Variants in COL28A1 observed in about 807,000 individuals in gnomAD.
The protein encoded by COL28A1 is collagen alpha-1(XXVIII) chain.
In COL28A1, 161 loss-of-function variants were observed where a neutral mutation model predicts 150.2. The ratio of observed to expected loss-of-function variants is 1.07; its 90% CI spans 0.94 to 1.22. The LOEUF (loss-of-function observed/expected upper bound fraction) is 1.22, where lower values mean the gene tolerates loss of function less well. Among genes scored for constraint, COL28A1 ranks in the 50% most tolerant of loss-of-function variants. The probability of loss-of-function intolerance (pLI) is 0.00; values close to 1 mark genes in which losing one functional copy is unlikely to be tolerated. For missense variants in COL28A1, 1,617 were observed against 1,388.3 expected (o/e 1.16, Z -2.62); for synonymous variants, 552 against 469.7 (o/e 1.18, Z -2.26).
At position 7,422,439 on chromosome 7, in the gene COL28A1, G is replaced by C. The variant is rs1465190862; in HGVS notation, c.1999-2486C>G. On this transcript the variant is annotated intron_variant, in intron 25 of 34. Transcript: ENST00000399429. ...TGGTCAGGAGTTTGAGATCAGCCTG[G>C]CCAATGTAATGAAACAGTGTCTCTA... Among the ~76,000 whole-genome samples, 5 of 152,062 alleles carry C rather than the reference G, an allele frequency of 3.3e-5. No homozygotes were observed. In the South Asian group the frequency reaches 1.0e-3, roughly 32 times the overall value.
At chr7:7,352,756 ATTG>A (rs1780259875), downstream of COL28A1, among the ~76,000 whole-genome samples, 5 of 152,140 alleles carry the variant, frequency 3.3e-5, no homozygotes, top group Admixed American at 3.3e-4. Context: ...AACATAACAC[ATTG>A]TTGTTGTTTA....
intron 31 of COL28A1, among the ~76,000 whole-genome samples, chr7:7,374,044 T>A (rs868424276): frequency 0.11 from 14,775 of 131,578 alleles, 1,200 homozygotes; most frequent in African/African-American, 0.26. Flanking sequence ...AAAAAATATA[T>A]ATATATATAT....
intron 5 of COL28A1, 72 bp from the exon 6 acceptor site, chr7:7,520,187 G>C: frequency 2.6e-6 from 2 of 755,466 alleles, no homozygotes; most frequent in Non-Finnish European, 4.5e-6. Flanking sequence ...AATAATTTCT[G>C]ATCAGTTTTG....
At chr7:7,475,662 C>T (rs1788808047) in intron 14 of COL28A1, among the ~76,000 whole-genome samples, 1 of 152,128 alleles carries the variant, frequency 6.6e-6, no homozygotes, top group South Asian at 2.1e-4. Flanking sequence ...TTATTTCTTT[C>T]TCTTTAAAAA....
chr7:7,381,624 A>G lies in COL28A1; in HGVS notation c.2137-12T>C, dbSNP rs1781879435. ...GGTCCTTGTTCCCCCTACATAGGATATGAGAAAGAGATGTTCTATTAATTT... is the reference window on the plus strand; with the variant it reads ...GGTCCTTGTTCCCCCTACATAGGATGTGAGAAAGAGATGTTCTATTAATTT... On this transcript the variant is annotated splice_polypyrimidine_tract_variant and intron_variant, in intron 27 of 34. Coordinates refer to ENST00000399429, the MANE Select transcript of COL28A1 (RefSeq NM_001037763.3). 6.2e-7 allele frequency: 1 copy of G among 1,605,302 alleles called. No individual in the cohort carries two copies. The highest frequency in any genetic ancestry group is 8.5e-7 in the Non-Finnish European group (1 of 1,171,986).
At chr7:7,506,242 T>C (rs187575131) in intron 10 of COL28A1, among the ~76,000 whole-genome samples, 175 bp from the exon 11 acceptor site, 42 of 152,360 alleles carry the variant, frequency 2.8e-4, no homozygotes, top group Admixed American at 1.8e-3. Flanking sequence ...TTGTGTCAAA[T>C]ACGTAGCTTC....
At chr7:7,478,871 T>C (rs55657147) in intron 13 of COL28A1, among the ~76,000 whole-genome samples, 20,346 of 152,248 alleles carry the variant, frequency 0.13, 1,409 homozygotes, top group Middle Eastern at 0.22. Context: ...CCACCCGGAA[T>C]TCTAGCTGGC....
intron 27 of COL28A1, among the ~76,000 whole-genome samples, chr7:7,384,573 G>T (rs1486050724): frequency 1.3e-5 from 2 of 152,116 alleles, no homozygotes; most frequent in Admixed American, 1.3e-4. Flanking sequence ...CTCCTACTGT[G>T]CCTAATTTTA....
chr7:7,457,240 T>C (rs1787241164), intron 15 of COL28A1, among the ~76,000 whole-genome samples: 1 of 152,078 alleles, frequency 6.6e-6, no homozygotes, highest in African/African-American at 2.4e-5. Context: ...TAAGGCCCCA[T>C]CTGGAAGCTG....
intron 4 of COL28A1, among the ~76,000 whole-genome samples, chr7:7,523,887 C>G (rs184617502): frequency 2.6e-5 from 4 of 152,132 alleles, no homozygotes; most frequent in African/African-American, 7.2e-5. Context: ...CAGGAACACC[C>G]CCCAAAATAG....
intron 13 of COL28A1, among the ~76,000 whole-genome samples, chr7:7,485,771 T>C (rs1334326812): frequency 6.6e-6 from 1 of 152,168 alleles, no homozygotes; most frequent in Non-Finnish European, 1.5e-5. Flanking sequence ...TATACTTGTG[T>C]AGGTCTGAAT....
intron 27 of COL28A1, among the ~76,000 whole-genome samples, chr7:7,385,644 T>C (rs1307765821): frequency 6.6e-6 from 1 of 152,160 alleles, no homozygotes; most frequent in Admixed American, 6.6e-5. Context: ...TAAAACCTAC[T>C]GTTGTAAGGG....
intron 27 of COL28A1, among the ~76,000 whole-genome samples, chr7:7,396,478 T>G (rs1782842764): frequency 6.6e-6 from 1 of 152,332 alleles, no homozygotes; most frequent in East Asian, 1.9e-4. Flanking sequence ...TTCTCTGACT[T>G]GATAATCAGC....
chr7:7,463,383 C>G (rs1787797288), intron 15 of COL28A1, among the ~76,000 whole-genome samples: 1 of 152,094 alleles, frequency 6.6e-6, no homozygotes, highest in African/African-American at 2.4e-5. Context: ...TACAAAAACC[C>G]TAGAGCAGAA....
chr7:7,381,944 T>C (rs960496977), intron 27 of COL28A1, among the ~76,000 whole-genome samples: 1 of 152,200 alleles, frequency 6.6e-6, no homozygotes, highest in African/African-American at 2.4e-5. Flanking sequence ...AGATAGCTGC[T>C]ATTTCAGCTA....
intron 26 of COL28A1, among the ~76,000 whole-genome samples, 160 bp downstream of exon 26, chr7:7,419,725 T>C (rs1418516318): frequency 6.6e-6 from 1 of 152,232 alleles, no homozygotes; most frequent in African/African-American, 2.4e-5. Context: ...ATGTTCTATT[T>C]TACTGAACGT....
chr7:7,540,524 G>T (rs1256425517), upstream of COL28A1, among the ~76,000 whole-genome samples: 1 of 152,148 alleles, frequency 6.6e-6, no homozygotes, highest in Non-Finnish European at 1.5e-5. Flanking sequence ...CCACCCAAAG[G>T]TCAAATCATT....
intron 11 of COL28A1, among the ~76,000 whole-genome samples, chr7:7,501,509 G>A (rs557689251): frequency 6.6e-6 from 1 of 152,012 alleles, no homozygotes; most frequent in Admixed American, 6.5e-5. Flanking sequence ...GATTTGAGAA[G>A]GAAATGCCCT....
In COL28A1 at chr7:7,381,583, G is replaced by T; in HGVS notation, c.2166C>A (p.Gly722=). 1 of 1,613,882 alleles carries T rather than the reference G, an allele frequency of 6.2e-7. No individual in the cohort carries two copies. The highest frequency in any genetic ancestry group is 8.5e-7 in the Non-Finnish European group (1 of 1,179,740). The part of the protein sequence containing the change: ...KGEQGPQGFP[G]PKGTMGHGLP... ...GGCCATGGCCCATTGTGCCCTTTGG[G>T]CCTGGGAAGCCTTGTGGTCCTTGTT... The change falls in exon 28 of 35, where the codon GGC becomes GGA. Residue 722 remains glycine, a synonymous_variant. Coordinates refer to ENST00000399429, the MANE Select transcript of COL28A1 (RefSeq NM_001037763.3).
Sources: gnomAD v4.1 joint callset for allele counts (sites outside exome capture counted in the v4.1 genomes callset) on GRCh38, gnomAD v4.1.1 for gene constraint, MANE v1.5 for transcripts, NCBI Gene and HGNC (gene_info 2026-07-23, HGNC 2026-07-21) for gene names.